Variants in ZNF286A observed in about 807,000 individuals in gnomAD.
ZNF286A encodes the protein zinc finger protein 286A.
A neutral mutation model predicts 49.3 loss-of-function variants in ZNF286A; 34 were observed. That is an observed-to-expected ratio of 0.69 (90% CI 0.52 to 0.92). The LOEUF (loss-of-function observed/expected upper bound fraction) is 0.92. Ranked by LOEUF, ZNF286A falls within the 40% of genes least tolerant of loss-of-function variation. The pLI is 0.00. For missense variants in ZNF286A, 462 were observed against 600.2 expected (o/e 0.77, Z 2.41); for synonymous variants, 155 against 200.4 (o/e 0.77, Z 1.91).
intron 5 of ZNF286A, among the ~76,000 whole-genome samples, chr17:15,713,788 CGGTGG>C (rs1966889342): frequency 6.6e-6 from 1 of 150,808 alleles, no homozygotes; most frequent in East Asian, 1.9e-4. Context: ...ATCAAGCTCT[CGGTGG>C]TAAATAGAAG....
chr17:15,699,764 G>A lies in ZNF286A; in HGVS notation c.-209G>A. 1 of 702,906 alleles carries A rather than the reference G, an allele frequency of 1.4e-6. No homozygotes were observed. Among genetic ancestry groups the A allele is most frequent in the Non-Finnish European group, 2.6e-6 (1 of 384,882 alleles). 43.5% of individuals were successfully genotyped at this position (702,906 alleles called of 1,614,324 possible). ...CAAAGAAGTTCGTCCCCTTTGTGAG[G>A]CCCGGGATGGGAGGTGAGTTGCTTG... On this transcript the variant is annotated 5_prime_UTR_variant, in exon 1 of 6. Transcript: ENST00000583566.
At chr17:15,715,816 CTT>C (rs1203059965) in intron 5 of ZNF286A, among the ~76,000 whole-genome samples, 1 of 152,182 alleles carries the variant, frequency 6.6e-6, no homozygotes. Context: ...CATCTCTACT[CTT>C]ATATTTTTTG....
chr17:15,707,267 C>T (rs1271903332), intron 4 of ZNF286A, among the ~76,000 whole-genome samples: 1 of 151,942 alleles, frequency 6.6e-6, no homozygotes, highest in African/African-American at 2.4e-5. Context: ...GGTGAAACCC[C>T]ATCTCTACTA....
At chr17:15,704,879 G>C in intron 3 of ZNF286A, 3 of 1,611,546 alleles carry the variant, frequency 1.9e-6, no homozygotes, top group South Asian at 2.2e-5. Flanking sequence ...TGCGGGGGCA[G>C]TTTCTCCACG....
chr17:15,714,515 T>G (rs1966925236), intron 5 of ZNF286A, among the ~76,000 whole-genome samples: 1 of 152,148 alleles, frequency 6.6e-6, no homozygotes, highest in Admixed American at 6.5e-5. Context: ...TTTTAAATGC[T>G]TCATAGATAT....
At position 15,718,281 on chromosome 17, in the gene ZNF286A, C is replaced by T. The variant is rs1967186277; in HGVS notation, c.*991C>T. The stretch of plus-strand genomic sequence containing the variant: ...GTTATCCCTCTACCGCGGAGACCTT[C>T]TTTCATTTTCCATTTCCCTGGGAGT... On this transcript the variant is annotated 3_prime_UTR_variant, in exon 6 of 6. Coordinates refer to ENST00000583566, the MANE Select transcript of ZNF286A (RefSeq NM_001130842.2). 1 of 150,748 alleles carries T rather than the reference C, an allele frequency of 6.6e-6. No individual in the cohort carries two copies. The highest frequency in any genetic ancestry group is 2.1e-4 in the South Asian group (1 of 4,706). 9.3% of individuals were successfully genotyped at this position (150,748 alleles called of 1,614,324 possible).
At chr17:15,711,695 C>T (rs1223397788) in intron 5 of ZNF286A, among the ~76,000 whole-genome samples, 1 of 151,986 alleles carries the variant, frequency 6.6e-6, no homozygotes, top group Non-Finnish European at 1.5e-5. Context: ...TGAAAGCAGC[C>T]CTAGAAAATG....
Position 15,720,720 on chromosome 17 carries a change from C to G in ZNF286A, c.*3430C>G, listed in dbSNP as rs542877266. ...ATGCATTTCAAATGTTTTTGGTTAT[C>G]TGTAAACTAAATGTGCCCTTATTGG... On this transcript the variant is annotated 3_prime_UTR_variant, in exon 6 of 6. Coordinates refer to ENST00000583566, the MANE Select transcript of ZNF286A (RefSeq NM_001130842.2). 4 of 151,518 alleles carry G rather than the reference C, an allele frequency of 2.6e-5. No individual in the cohort carries two copies. The highest frequency in any genetic ancestry group is 4.4e-5 in the Non-Finnish European group (3 of 67,944). The allele number at this position is 151,518 out of a possible 1,614,324, so 9.4% of individuals were successfully genotyped here.
chr17:15,701,024 G>A (rs1597701231), intron 2 of ZNF286A, 128 bp from the exon 3 acceptor site: 1 of 662,398 alleles, frequency 1.5e-6, no homozygotes, highest in Non-Finnish European at 2.6e-6. Context: ...GAGGTCGGTT[G>A]TTTTGGGGGT....
chr17:15,704,253 C>T, intron 3 of ZNF286A: 1 of 1,605,212 alleles, frequency 6.2e-7, no homozygotes, highest in Non-Finnish European at 8.5e-7. Flanking sequence ...GCAGCGCCCG[C>T]TTCTTGTCCG....
chr17:15,715,306 A>C (rs3865263), intron 5 of ZNF286A, among the ~76,000 whole-genome samples: 2 of 150,752 alleles, frequency 1.3e-5, no homozygotes, highest in South Asian at 4.2e-4. Context: ...GTGCTTATTT[A>C]TAGCTTGCTT....
rs1277553647 is a variant in ZNF286A, at chr17:15,718,857, CAG to C, written c.*1568_*1569del. The C allele has an allele frequency of 2.8e-5, 4 of 141,346 alleles. No homozygotes were observed. The highest frequency in any genetic ancestry group is 1.1e-4 in the African/African-American group (4 of 35,772). 8.8% of individuals were successfully genotyped at this position (141,346 alleles called of 1,614,324 possible). A position where few individuals can be genotyped will look rare whatever the true frequency, so the allele number is the denominator to read the frequency against. On this transcript the variant is annotated 3_prime_UTR_variant, in exon 6 of 6. Coordinates refer to ENST00000583566, the MANE Select transcript of ZNF286A (RefSeq NM_001130842.2). ...ACAGGAAGTATGACTGGGGAGGTCT[CAG>C]GGAGCTTTTACTCATGGCAAAAGGC...
chr17:15,710,825 T>C (rs570600327), intron 5 of ZNF286A, among the ~76,000 whole-genome samples: 1 of 152,272 alleles, frequency 6.6e-6, no homozygotes, highest in South Asian at 2.1e-4. Context: ...AAGAGGTCCT[T>C]ATATATGAGG....
In ZNF286A at chr17:15,706,429, G is replaced by C. The variant is rs1567705808; in HGVS notation, c.169G>C (p.Glu57Gln). 1 of 1,613,960 alleles carries C rather than the reference G, an allele frequency of 6.2e-7. No individual in the cohort carries two copies. Among genetic ancestry groups the C allele is most frequent in the East Asian group, 2.2e-5 (1 of 44,862 alleles). Residue 57 changes from glutamate to glutamine, a missense_variant, in exon 4 of 6, where the codon GAG becomes CAG. Glu to Gln is a conservative substitution (Grantham distance 29). This residue lies in a region of ZNF286A where 259 missense variants were observed against 272.2 expected (regional missense o/e 0.95). Transcript: ENST00000583566. ...GGATGTGGCCATGGACTTTACACCA[G>C]AGGAGTGGGGGAAGCTGGATCCTGC... is the stretch of plus-strand genomic sequence containing the variant. ...FKDVAMDFTP[E>Q]EWGKLDPAQR...
intron 3 of ZNF286A, among the ~76,000 whole-genome samples, chr17:15,701,717 G>A (rs143240111): frequency 0.021 from 3,209 of 152,322 alleles, 52 homozygotes; most frequent in South Asian, 0.046. Context: ...AATTTAAAGA[G>A]TTACAGTTAG....
intron 5 of ZNF286A, among the ~76,000 whole-genome samples, chr17:15,713,995 C>T (rs917896264): frequency 6.6e-6 from 1 of 151,950 alleles, no homozygotes; most frequent in African/African-American, 2.4e-5. Flanking sequence ...GTGGCTGGTT[C>T]AGCTCACAAC....
At chr17:15,715,937 A>G in intron 5 of ZNF286A, 122 bp from the exon 6 acceptor site, 1 of 1,529,354 alleles carries the variant, frequency 6.5e-7, no homozygotes, top group Non-Finnish European at 8.8e-7. Flanking sequence ...CATCTGAAAG[A>G]GTCAAATCCA....
chr17:15,704,278 G>T (rs1990022983), intron 3 of ZNF286A: 9 of 1,607,706 alleles, frequency 5.6e-6, no homozygotes, highest in Admixed American at 1.7e-5. Context: ...TTTCTTGGCC[G>T]CCAGCTTCTT....
At chr17:15,704,533 G>A in intron 3 of ZNF286A, 6 of 1,614,100 alleles carry the variant, frequency 3.7e-6, no homozygotes, top group Non-Finnish European at 4.2e-6. Context: ...CTCGGGGTTA[G>A]GGTGGATCAG....
Sources: allele counts gnomAD v4.1 joint callset (sites outside exome capture counted in the v4.1 genomes callset), GRCh38; gene constraint gnomAD v4.1.1; regional missense constraint gnomAD v4.1.1; transcripts MANE v1.5; gene names NCBI Gene and HGNC (gene_info 2026-07-23, HGNC 2026-07-21).